Variants in SPATA6 observed in about 807,000 individuals in gnomAD.
The protein encoded by SPATA6 is spermatogenesis associated 6.
In SPATA6, 56 loss-of-function variants were observed where a neutral mutation model predicts 65.3. The ratio of observed to expected loss-of-function variants is 0.86; its 90% CI spans 0.69 to 1.07. SPATA6 has a LOEUF of 1.07. SPATA6 is among the 50% of genes least tolerant of loss of function. SPATA6 has a pLI of 0.00. For synonymous variants in SPATA6, 199 were observed against 213.2 expected (o/e 0.93, Z 0.58); for missense variants, 590 against 594.8 (o/e 0.99, Z 0.08).
At chr1:48,342,469 A>G (rs1646245380) in intron 11 of SPATA6, among the ~76,000 whole-genome samples, 1 of 152,020 alleles carries the variant, frequency 6.6e-6, no homozygotes, top group Admixed American at 6.6e-5. Flanking sequence ...CAAAATAATT[A>G]GTCGGACGTG....
intron 11 of SPATA6, among the ~76,000 whole-genome samples, chr1:48,320,011 T>G (rs1645555318): frequency 6.6e-6 from 1 of 151,886 alleles, no homozygotes; most frequent in Admixed American, 6.6e-5. Context: ...CAGCCACCCT[T>G]CCCCGCCTGT....
At chr1:48,391,328 G>A (rs914181045) in intron 8 of SPATA6, among the ~76,000 whole-genome samples, 1 of 151,550 alleles carries the variant, frequency 6.6e-6, no homozygotes, top group Non-Finnish European at 1.5e-5. Flanking sequence ...AGTGAGCCAT[G>A]TTACACCACG....
rs558822373 is a variant in SPATA6, at chr1:48,430,520, C to T, written c.239-17369G>A. The stretch of plus-strand genomic sequence containing the variant: ...GAAATGAAAGGACCCTAGACAGTAA[C>T]ACAAAGTCATACAAAGAAATAAAGA... On this transcript the variant is annotated intron_variant, in intron 3 of 12. Coordinates refer to ENST00000371847, the MANE Select transcript of SPATA6 (RefSeq NM_019073.4). Among the ~76,000 whole-genome samples the T allele has an allele frequency of 6.5e-4, 99 of 152,172 alleles. 1 individual carries two copies. Among genetic ancestry groups the T allele is most frequent in the South Asian group, 5.0e-3 (24 of 4,812 alleles).
intron 3 of SPATA6, among the ~76,000 whole-genome samples, chr1:48,448,707 A>G (rs1471991970): frequency 6.6e-6 from 1 of 152,242 alleles, no homozygotes; most frequent in Admixed American, 6.5e-5. Flanking sequence ...TTCAGCAATA[A>G]AAAGGAATGA....
chr1:48,387,697 G>A (rs927555508), intron 8 of SPATA6, among the ~76,000 whole-genome samples: 1 of 152,100 alleles, frequency 6.6e-6, no homozygotes, highest in African/African-American at 2.4e-5. Context: ...ATAGTTTGAG[G>A]GCCAGAAGAC....
At chr1:48,294,742 A>G (rs1415451426), downstream of SPATA6, among the ~76,000 whole-genome samples, 1 of 152,160 alleles carries the variant, frequency 6.6e-6, no homozygotes, top group East Asian at 1.9e-4. Context: ...TATTCAGCTC[A>G]ATGGTCACCT....
intron 3 of SPATA6, among the ~76,000 whole-genome samples, chr1:48,424,344 G>A (rs868124659): frequency 7.9e-5 from 12 of 152,088 alleles, no homozygotes; most frequent in South Asian, 4.1e-4. Flanking sequence ...TCTTTCTTAC[G>A]GTTGAATAAT....
At chr1:48,328,104 C>A (rs1645815550) in intron 11 of SPATA6, among the ~76,000 whole-genome samples, 1 of 151,978 alleles carries the variant, frequency 6.6e-6, no homozygotes, top group African/African-American at 2.4e-5. Flanking sequence ...TGCTCAAGAT[C>A]ATTAGTCAGA....
At chr1:48,418,702 A>AGACC (rs1653026917) in intron 3 of SPATA6, among the ~76,000 whole-genome samples, 19 of 151,380 alleles carry the variant, frequency 1.3e-4, no homozygotes, top group Non-Finnish European at 2.5e-4. Flanking sequence ...AGCCTGGGCA[A>AGACC]CAAAACAAGA....
chr1:48,274,150 G>A, the SPATA6 span, among the ~76,000 whole-genome samples: 4 of 152,098 alleles, frequency 2.6e-5, no homozygotes, highest in Non-Finnish European at 5.9e-5. Flanking sequence ...CTTCTTTTGA[G>A]AAGTGTCTGT....
chr1:48,414,123 CTGA>C (rs1378145102), intron 3 of SPATA6, among the ~76,000 whole-genome samples: 17 of 152,144 alleles, frequency 1.1e-4, no homozygotes, highest in Non-Finnish European at 1.8e-4. Flanking sequence ...GTCGCCTGAA[CTGA>C]TGAATTGCTG....
At chr1:48,427,348 A>C (rs1653932084) in intron 3 of SPATA6, among the ~76,000 whole-genome samples, 1 of 151,848 alleles carries the variant, frequency 6.6e-6, no homozygotes, top group African/African-American at 2.4e-5. Flanking sequence ...AAACCAAAGA[A>C]TTTTAAATAG....
chr1:48,366,486 G>A (rs555187179), intron 9 of SPATA6, among the ~76,000 whole-genome samples: 1 of 151,834 alleles, frequency 6.6e-6, no homozygotes, highest in Admixed American at 6.5e-5. Context: ...GCTGTTATTG[G>A]TCTATTCAGA....
rs1557664871 is a variant in SPATA6 at position 48,399,460 on chromosome 1, C to A, written c.671G>T (p.Arg224Ile). The change falls in exon 7 of 13, where the codon AGA becomes ATA. Residue 224 changes from arginine (R) to isoleucine (I), a missense_variant. Physicochemically the swap from Arg to Ile is moderately conservative, Grantham distance 97. Coordinates refer to ENST00000371847, the MANE Select transcript of SPATA6 (RefSeq NM_019073.4). ...GTCTTCAGATAGCTCACACATGCGTCTTTTTGTGTAGGGAGATGGAGAGTG... is the reference window on the plus strand; with the variant it reads ...GTCTTCAGATAGCTCACACATGCGTATTTTTGTGTAGGGAGATGGAGAGTG... ...KSHSPSPYTK[R>I]RMCELSEDTR... 6.2e-7 allele frequency: 1 copy of A among 1,613,248 alleles called. No homozygotes were observed.
chr1:48,358,822 A>G (rs955021987), intron 10 of SPATA6, among the ~76,000 whole-genome samples: 5 of 152,168 alleles, frequency 3.3e-5, no homozygotes, highest in Admixed American at 1.3e-4. Context: ...GCCTCCATAT[A>G]TCCACTATGA....
chr1:48,455,751 C>T (rs371489152), intron 1 of SPATA6, among the ~76,000 whole-genome samples: 40 of 152,064 alleles, frequency 2.6e-4, no homozygotes, highest in African/African-American at 9.2e-4. Context: ...ATTTGAGGCT[C>T]TTATATTTTT....
intron 11 of SPATA6, among the ~76,000 whole-genome samples, chr1:48,320,479 AG>A (rs1483350862): frequency 2.6e-5 from 4 of 152,244 alleles, no homozygotes; most frequent in Non-Finnish European, 4.4e-5. Flanking sequence ...AAAGTGCTGA[AG>A]GAAAACCTTG....
intron 9 of SPATA6, among the ~76,000 whole-genome samples, chr1:48,368,437 A>G (rs551399442): frequency 1.3e-5 from 2 of 152,338 alleles, no homozygotes; most frequent in East Asian, 3.9e-4. Context: ...TACACCAATC[A>G]GACGTAGATT....
At chr1:48,471,841 C>T in intron 1 of SPATA6, 117 bp downstream of exon 1, 1 of 1,248,130 alleles carries the variant, frequency 8.0e-7, no homozygotes. Context: ...GAGGTCGACG[C>T]TCCCTAGGGA....
Sources: allele counts gnomAD v4.1 joint callset (sites outside exome capture counted in the v4.1 genomes callset), GRCh38; gene constraint gnomAD v4.1.1; transcripts MANE v1.5; gene names NCBI Gene and HGNC (gene_info 2026-07-23, HGNC 2026-07-21).